LINGO2: variants seen among roughly 807,000 people sequenced by gnomAD.
The protein encoded by LINGO2 is leucine-rich repeat and immunoglobulin-like domain-containing nogo receptor-interacting protein 2.
Under a neutral mutation model 30.6 loss-of-function variants are expected in LINGO2, and 14 were observed. The ratio of observed to expected loss-of-function variants is 0.46; its 90% CI spans 0.30 to 0.72. The LOEUF is 0.72. Ranked by LOEUF, LINGO2 falls within the 30% of genes least tolerant of loss-of-function variation. The pLI is 0.07. For missense variants in LINGO2, 729 were observed against 751.7 expected, an observed-to-expected ratio of 0.97 and a Z score of 0.35; for synonymous variants, 317 against 288.5, an observed-to-expected ratio of 1.10 and a Z score of -1.00.
At chr9:28,358,593 C>T (rs530072622) in intron 3 of LINGO2, among the ~76,000 whole-genome samples, 1 of 152,216 alleles carries the variant, frequency 6.6e-6, no homozygotes, top group Admixed American at 6.5e-5. Context: ...AAGAGTTGAG[C>T]CCATGACCTC....
chr9:29,118,077 G>T, the LINGO2 span, among the ~76,000 whole-genome samples: 1 of 152,072 alleles, frequency 6.6e-6, no homozygotes, highest in Non-Finnish European at 1.5e-5. Context: ...CATGGAAATG[G>T]CCACAAAACA....
the LINGO2 span, among the ~76,000 whole-genome samples, chr9:28,777,701 C>A: frequency 6.6e-6 from 1 of 152,090 alleles, no homozygotes; most frequent in African/African-American, 2.4e-5. Context: ...AGACAGAGAA[C>A]AGAATAAGGA....
At chr9:28,354,099 A>G (rs1361687235) in intron 3 of LINGO2, among the ~76,000 whole-genome samples, 1 of 152,092 alleles carries the variant, frequency 6.6e-6, no homozygotes, top group Non-Finnish European at 1.5e-5. Flanking sequence ...GCATGTATAC[A>G]TATGTAACTA....
chr9:28,481,891 G>T (rs1227480364), intron 1 of LINGO2, among the ~76,000 whole-genome samples: 1 of 151,302 alleles, frequency 6.6e-6, no homozygotes, highest in African/African-American at 2.4e-5. Context: ...CTTTGTTCTT[G>T]TGATAGTTTA....
At chr9:28,691,173 A>G in the LINGO2 span, among the ~76,000 whole-genome samples, 9 of 152,218 alleles carry the variant, frequency 5.9e-5, no homozygotes, top group Admixed American at 2.0e-4. Flanking sequence ...ATGGGGATAT[A>G]TCTCAATAGT....
chr9:28,046,140 A>G (rs1231995729), intron 4 of LINGO2, among the ~76,000 whole-genome samples: 1 of 152,218 alleles, frequency 6.6e-6, no homozygotes, highest in Non-Finnish European at 1.5e-5. Flanking sequence ...TATTGGCTAA[A>G]ACCACTTTTT....
chr9:28,257,934 T>C (rs754093661), intron 4 of LINGO2, among the ~76,000 whole-genome samples: 12 of 151,936 alleles, frequency 7.9e-5, no homozygotes, highest in Non-Finnish European at 1.6e-4. Flanking sequence ...GCAATTGTCA[T>C]TCCTAATAAT....
the LINGO2 span, among the ~76,000 whole-genome samples, chr9:28,946,875 C>G: frequency 1.3e-5 from 2 of 152,038 alleles, no homozygotes; most frequent in African/African-American, 4.8e-5. Context: ...ATCTGACTCA[C>G]AGAGACAGAG....
At chr9:28,120,452 G>C (rs944039753) in intron 4 of LINGO2, among the ~76,000 whole-genome samples, 1 of 152,190 alleles carries the variant, frequency 6.6e-6, no homozygotes, top group Non-Finnish European at 1.5e-5. Flanking sequence ...TCTAGTGGCT[G>C]AATGCCAAAG....
the LINGO2 span, among the ~76,000 whole-genome samples, chr9:28,962,658 A>G: frequency 2.0e-5 from 3 of 151,910 alleles, no homozygotes; most frequent in Admixed American, 1.3e-4. Flanking sequence ...GTAAGTACCC[A>G]TATACCAATA....
chr9:28,989,855 G>C, the LINGO2 span, among the ~76,000 whole-genome samples: 1 of 152,140 alleles, frequency 6.6e-6, no homozygotes, highest in Non-Finnish European at 1.5e-5. Flanking sequence ...TCTGGCTGGT[G>C]GGCATGGAGA....
rs1564196132 is a variant in LINGO2 at position 28,433,923 on chromosome 9, T to TCTC, written c.-279+42016_-279+42017insGAG. 8.6e-3 allele frequency among the ~76,000 whole-genome samples: 944 copies of TCTC among 109,512 alleles called. 109 individuals are homozygous for TCTC. Among genetic ancestry groups the TCTC allele is most frequent in the Non-Finnish European group, 0.013 (629 of 49,708 alleles). 71.8% of individuals were successfully genotyped at this position (109,512 alleles called of 152,430 possible). On this transcript the variant is annotated intron_variant, in intron 2 of 5. Coordinates refer to ENST00000379992, the Ensembl canonical transcript of LINGO2. ...TGGATAAAGAAAATGTGCTCTCTCT[T>TCTC]TCTCTCTCTCTCTCTCTCTCTCTCT...
intron 4 of LINGO2, among the ~76,000 whole-genome samples, chr9:28,077,952 C>T (rs1442165901): frequency 2.0e-5 from 3 of 149,084 alleles, no homozygotes; most frequent in Non-Finnish European, 1.5e-5. Context: ...GATTAAGCGT[C>T]AACTCTAGAG....
chr9:28,710,679 C>T, the LINGO2 span, among the ~76,000 whole-genome samples: 1 of 152,128 alleles, frequency 6.6e-6, no homozygotes, highest in South Asian at 2.1e-4. Flanking sequence ...CACATCTTAG[C>T]TAAAATGCCA....
chr9:28,032,314 G>GC (rs975793061), intron 4 of LINGO2, among the ~76,000 whole-genome samples: 3 of 152,232 alleles, frequency 2.0e-5, no homozygotes, highest in Admixed American at 1.3e-4. Context: ...CGCACACACT[G>GC]CCTGCCCTCG....
intron 3 of LINGO2, among the ~76,000 whole-genome samples, chr9:28,354,103 G>A (rs187861794): frequency 0.024 from 3,666 of 152,028 alleles, 53 homozygotes; most frequent in Middle Eastern, 0.044. Flanking sequence ...GTATACATAT[G>A]TAACTAACCT....
the LINGO2 span, among the ~76,000 whole-genome samples, chr9:29,155,469 A>G: frequency 6.6e-6 from 1 of 152,024 alleles, no homozygotes; most frequent in East Asian, 1.9e-4. Flanking sequence ...CTCTCCCACA[A>G]GTTTCCAGGG....
the LINGO2 span, among the ~76,000 whole-genome samples, chr9:29,006,566 T>C: frequency 0.041 from 6,232 of 152,118 alleles, 195 homozygotes; most frequent in Admixed American, 0.081. Context: ...AATATTTGGA[T>C]ATATGGTTCA....
intron 5 of LINGO2, among the ~76,000 whole-genome samples, chr9:27,960,499 T>C (rs1173586386): frequency 1.3e-5 from 2 of 152,208 alleles, no homozygotes; most frequent in African/African-American, 2.4e-5. Flanking sequence ...ACAGTATAGC[T>C]TTCTGCTGTT....
Sources: allele counts gnomAD v4.1 joint callset (sites outside exome capture counted in the v4.1 genomes callset), GRCh38; gene constraint gnomAD v4.1.1; transcripts MANE v1.5; gene names NCBI Gene and HGNC (gene_info 2026-07-23, HGNC 2026-07-21).